Variants in CDCA8 observed in about 807,000 individuals in gnomAD.
CDCA8 encodes borealin.
A neutral mutation model predicts 40.0 loss-of-function variants in CDCA8; 25 were observed. The ratio of observed to expected loss-of-function variants is 0.63; its 90% CI spans 0.46 to 0.87. The LOEUF is 0.87. Ranked by LOEUF, CDCA8 falls within the 40% of genes least tolerant of loss-of-function variation. The probability of loss-of-function intolerance (pLI) is 0.00; values close to 1 mark genes in which losing one functional copy is unlikely to be tolerated. For synonymous variants in CDCA8, 111 were observed against 126.5 expected (o/e 0.88, Z 0.82); for missense variants, 280 against 348.4 (o/e 0.80, Z 1.56).
chr1:37,704,636 CTTTTTTTTTTT>C (rs145718694), intron 7 of CDCA8, among the ~76,000 whole-genome samples: 5 of 86,456 alleles, frequency 5.8e-5, no homozygotes, highest in African/African-American at 1.4e-4. Context: ...TTAATTGCCA[CTTTTTTTTTTT>C]TTTTTTTTTT....
rs1570272481 is a variant in CDCA8, at chr1:37,692,731, A to G, written c.41A>G (p.Asn14Ser). The change falls in exon 1 of 10, where the codon AAC (asparagine) becomes AGC (serine). Residue 14 changes from asparagine to serine, a missense_variant. Physicochemically the swap from Asn to Ser is conservative, Grantham distance 46 (BLOSUM62 1). Transcript: ENST00000373055. ...GGCAGTAGTCGGGTGGCCAAGACCA[A>G]CTCCTTACGGAGGCGGAAGCTCGCC... Reference protein sequence around the residue: ...RKGSSRVAKTNSLRRRKLASF... With the variant: ...RKGSSRVAKTSSLRRRKLASF... 19 of 1,612,940 alleles carry G rather than the reference A, an allele frequency of 1.2e-5. No homozygotes were observed. The highest frequency in any genetic ancestry group is 1.6e-5 in the Non-Finnish European group (19 of 1,179,894).
Position 37,693,060 on chromosome 1 carries a change from G to C in CDCA8, c.223+27G>C, listed in dbSNP as rs765850249. 3 of 1,609,332 alleles carry C rather than the reference G, an allele frequency of 1.9e-6. No individual in the cohort carries two copies. In the South Asian group the frequency reaches 3.3e-5, roughly 18 times the overall value. On this transcript the variant is annotated intron_variant, in intron 2 of 9. Transcript: ENST00000373055. ...TAAGAGCTGGAGAGCTTCCCTGGGC[G>C]GAGGCCAGGAGCCCCTTGGGGTTAG...
intron 8 of CDCA8, 50 bp downstream of exon 8, chr1:37,705,617 C>T: frequency 6.3e-7 from 1 of 1,598,028 alleles, no homozygotes; most frequent in Non-Finnish European, 8.6e-7. Context: ...CTTAGTCAAG[C>T]ATTTCTTTTC....
intron 2 of CDCA8, among the ~76,000 whole-genome samples, chr1:37,694,060 A>G (rs1412684192): frequency 1.3e-5 from 2 of 152,174 alleles, no homozygotes; most frequent in African/African-American, 4.8e-5. Flanking sequence ...CAATCGCTTG[A>G]ACCTGGGAGG....
intron 3 of CDCA8, among the ~76,000 whole-genome samples, chr1:37,697,372 T>C (rs1387308846): frequency 1.3e-5 from 2 of 152,238 alleles, no homozygotes; most frequent in African/African-American, 4.8e-5. Context: ...CCACTCCCTG[T>C]AGAGTCAAAC....
At chr1:37,693,573 A>G (rs1255723862) in intron 2 of CDCA8, among the ~76,000 whole-genome samples, 1 of 151,646 alleles carries the variant, frequency 6.6e-6, no homozygotes, top group African/African-American at 2.4e-5. Context: ...TGATTTTTGT[A>G]TTTTCAGTAG....
At chr1:37,703,877 C>T (rs1645581232) in intron 7 of CDCA8, among the ~76,000 whole-genome samples, 1 of 152,132 alleles carries the variant, frequency 6.6e-6, no homozygotes, top group Non-Finnish European at 1.5e-5. Flanking sequence ...AATATTCTGC[C>T]TGTGATGACT....
At chr1:37,706,618 G>T (rs370944936) in intron 8 of CDCA8, among the ~76,000 whole-genome samples, 17 of 152,366 alleles carry the variant, frequency 1.1e-4, no homozygotes, top group East Asian at 3.9e-4. Context: ...ACCATGAGCT[G>T]TGCCTTCAGC....
rs150595350 is a variant in CDCA8 at position 37,708,951 on chromosome 1, C to T, written c.*585C>T. The stretch of plus-strand genomic sequence containing the variant: ...CGTCTACCCTCTCGCACTCATGACA[C>T]CTCCCCCTACCAGCCCTCCTCTTCC... On this transcript the variant is annotated 3_prime_UTR_variant, in exon 10 of 10. Transcript: ENST00000373055. The T allele has an allele frequency of 6.5e-6, 1 of 154,972 alleles. No homozygotes were observed. Among genetic ancestry groups the T allele is most frequent in the Non-Finnish European group, 1.4e-5 (1 of 69,858 alleles). 9.6% of individuals were successfully genotyped at this position (154,972 alleles called of 1,614,324 possible). A position where few individuals can be genotyped will look rare whatever the true frequency, so the allele number is the denominator to read the frequency against.
At chr1:37,706,061 G>A (rs1394871023) in intron 8 of CDCA8, among the ~76,000 whole-genome samples, 3 of 149,718 alleles carry the variant, frequency 2.0e-5, no homozygotes, top group Non-Finnish European at 4.4e-5. Context: ...CGCCCTCCTC[G>A]GCGTCCCAAA....
chr1:37,693,466 C>T, intron 2 of CDCA8, among the ~76,000 whole-genome samples: 1 of 152,070 alleles, frequency 6.6e-6, no homozygotes, highest in Non-Finnish European at 1.5e-5. Flanking sequence ...TGGTGCGATC[C>T]CTGCTCACTG....
rs1158870606 is a variant in CDCA8, at chr1:37,708,265, A to G, written c.799-57A>G. 6 of 1,546,602 alleles carry G rather than the reference A, an allele frequency of 3.9e-6. No homozygotes were observed. The East Asian group carries it at 1.4e-4, about 35-fold the overall frequency. On this transcript the variant is annotated intron_variant, in intron 9 of 9. Coordinates refer to ENST00000373055, the MANE Select transcript of CDCA8 (RefSeq NM_001256875.2). ...GGCTCAGGCTGACTGTGGGAGGCCA[A>G]GGGGCAAGCCTGCCAAGTGACATCT... is the stretch of plus-strand genomic sequence containing the variant.
intron 7 of CDCA8, 26 bp from the exon 8 acceptor site, chr1:37,705,415 T>A (rs768585504): frequency 6.2e-7 from 1 of 1,608,520 alleles, no homozygotes; most frequent in Non-Finnish European, 8.5e-7. Context: ...TGCCAAGCTA[T>A]CTTCACAGAG....
At chr1:37,701,341 G>C (rs755049220) in intron 5 of CDCA8, among the ~76,000 whole-genome samples, 1 of 152,124 alleles carries the variant, frequency 6.6e-6, no homozygotes, top group Non-Finnish European at 1.5e-5. Context: ...CAAGGGAGGA[G>C]AGAATATATG....
chr1:37,700,549 G>C, intron 5 of CDCA8, 28 bp downstream of exon 5: 1 of 1,374,092 alleles, frequency 7.3e-7, no homozygotes, highest in Non-Finnish European at 1.0e-6. Flanking sequence ...TTGGAGGCTG[G>C]GGGTTATCAC....
Position 37,708,788 on chromosome 1 carries a change from CTA to C in CDCA8, c.*424_*425del, listed in dbSNP as rs1299264628. 1.9e-5 allele frequency: 5 copies of C among 264,124 alleles called. No individual in the cohort carries two copies. The highest frequency in any genetic ancestry group is 3.0e-5 in the Non-Finnish European group (4 of 133,270). 16.4% of individuals were successfully genotyped at this position (264,124 alleles called of 1,614,324 possible). On this transcript the variant is annotated 3_prime_UTR_variant, in exon 10 of 10. Coordinates refer to ENST00000373055, the MANE Select transcript of CDCA8 (RefSeq NM_001256875.2). ...CCTCTGCATCTGGCATTTCTGCTCT[CTA>C]TGCTTGAGACCGGGAGGTTTAGGCT... is the stretch of plus-strand genomic sequence containing the variant.
In CDCA8 at chr1:37,693,052, C is replaced by T. The variant is rs1645483786; in HGVS notation, c.223+19C>T. 2 of 1,612,216 alleles carry T rather than the reference C, an allele frequency of 1.2e-6. No individual in the cohort carries two copies. The highest frequency in any genetic ancestry group is 8.5e-7 in the Non-Finnish European group (1 of 1,178,736). ...TACTTCGGTAAGAGCTGGAGAGCTT[C>T]CCTGGGCGGAGGCCAGGAGCCCCTT... is the stretch of plus-strand genomic sequence containing the variant. On this transcript the variant is annotated intron_variant, in intron 2 of 9. Coordinates refer to ENST00000373055, the MANE Select transcript of CDCA8 (RefSeq NM_001256875.2).
At chr1:37,704,326 G>A (rs589927) in intron 7 of CDCA8, among the ~76,000 whole-genome samples, 74,000 of 151,972 alleles carry the variant, frequency 0.49, 18,287 homozygotes, top group East Asian at 0.71. Context: ...TGGCATAAGC[G>A]AGGATATTCT....
chr1:37,701,386 A>C (rs1456064842), intron 5 of CDCA8, among the ~76,000 whole-genome samples: 1 of 152,176 alleles, frequency 6.6e-6, no homozygotes, highest in Non-Finnish European at 1.5e-5. Flanking sequence ...GGGACCTCCC[A>C]GGCCCCAGGA....
Sources: allele counts gnomAD v4.1 joint callset (sites outside exome capture counted in the v4.1 genomes callset), GRCh38; gene constraint gnomAD v4.1.1; transcripts MANE v1.5; gene names NCBI Gene and HGNC (gene_info 2026-07-23, HGNC 2026-07-21).